TMEM135: variants seen among roughly 807,000 people sequenced by gnomAD.
TMEM135 encodes transmembrane protein 135.
In TMEM135, 30 loss-of-function variants were observed where a neutral mutation model predicts 60.3. That is an observed-to-expected ratio of 0.50 (90% confidence interval 0.37 to 0.68). TMEM135 has a LOEUF of 0.68. Among genes scored for constraint, TMEM135 ranks in the 30% least tolerant of loss-of-function variants. The pLI, the probability that TMEM135 is intolerant of heterozygous loss-of-function variation, is 0.00. For missense variants in TMEM135, 468 were observed against 548.8 expected, an observed-to-expected ratio of 0.85 and a Z score of 1.47; for synonymous variants, 190 against 186.7, an observed-to-expected ratio of 1.02 and a Z score of -0.14.
chr11:87,227,580 A>G (rs1940791334), intron 5 of TMEM135, among the ~76,000 whole-genome samples: 2 of 152,156 alleles, frequency 1.3e-5, no homozygotes, highest in African/African-American at 4.8e-5. Flanking sequence ...ACTGTATATT[A>G]TGGGAGATTT....
chr11:87,080,843 C>T (rs1395167755), intron 3 of TMEM135, among the ~76,000 whole-genome samples: 1 of 152,048 alleles, frequency 6.6e-6, no homozygotes, highest in African/African-American at 2.4e-5. Context: ...CGTGCCACCA[C>T]GCCTGGCTAA....
At chr11:87,123,357 C>A (rs1937635184) in intron 4 of TMEM135, among the ~76,000 whole-genome samples, 1 of 152,130 alleles carries the variant, frequency 6.6e-6, no homozygotes, top group Non-Finnish European at 1.5e-5. Context: ...TGGTTTATAG[C>A]CGCATCATTC....
In TMEM135 at chr11:87,072,716, T is replaced by A. The variant is rs190154669; in HGVS notation, c.362+1101T>A. 2.7e-3 allele frequency among the ~76,000 whole-genome samples: 410 copies of A among 152,244 alleles called. 3 individuals are homozygous for A. Among genetic ancestry groups the A allele is most frequent in the Admixed American group, 5.8e-3 (89 of 15,278 alleles). Reference sequence around the variant, plus strand: ...TAAGACATCTTGTATTTAAAAAAAATTTTTTATTGTTATCAGCCTGAAATT... The same window carrying A: ...TAAGACATCTTGTATTTAAAAAAAAATTTTTATTGTTATCAGCCTGAAATT... On this transcript the variant is annotated intron_variant, in intron 3 of 14. Transcript: ENST00000305494.
chr11:87,295,548 A>G (rs899143603), intron 6 of TMEM135, among the ~76,000 whole-genome samples: 3 of 152,176 alleles, frequency 2.0e-5, no homozygotes, highest in African/African-American at 7.2e-5. Flanking sequence ...CAACCTGCCT[A>G]TTTGAGAGCT....
intron 5 of TMEM135, among the ~76,000 whole-genome samples, chr11:87,180,533 G>T (rs1341719213): frequency 6.6e-6 from 1 of 152,050 alleles, no homozygotes; most frequent in Non-Finnish European, 1.5e-5. Context: ...ACCTAAATCT[G>T]TGCATGAAGA....
At chr11:87,300,301 C>T (rs1346769563) in intron 7 of TMEM135, among the ~76,000 whole-genome samples, 1 of 152,162 alleles carries the variant, frequency 6.6e-6, no homozygotes, top group Non-Finnish European at 1.5e-5. Context: ...ATATAGATAA[C>T]AGTAGAAGTC....
intron 6 of TMEM135, among the ~76,000 whole-genome samples, chr11:87,287,786 C>A (rs974486842): frequency 1.3e-5 from 2 of 152,082 alleles, no homozygotes; most frequent in Non-Finnish European, 2.9e-5. Flanking sequence ...AAATTTCAGC[C>A]TAAATCATTT....
At chr11:87,160,590 C>T (rs1938844523) in intron 5 of TMEM135, among the ~76,000 whole-genome samples, 1 of 152,258 alleles carries the variant, frequency 6.6e-6, no homozygotes, top group Middle Eastern at 3.4e-3. Context: ...CTTACTTAGA[C>T]TAGAGTTTCC....
In TMEM135 at chr11:87,321,287, C is replaced by T; in HGVS notation, c.1331C>T (p.Pro444Leu). 1.9e-6 allele frequency: 3 copies of T among 1,613,620 alleles called. No homozygotes were observed. Among genetic ancestry groups the T allele is most frequent in the East Asian group, 2.2e-5 (1 of 44,860 alleles). Residue 444 changes from proline (P) to leucine (L), a missense_variant, in exon 15 of 15, where the codon CCA (proline) becomes CTA (leucine). Coordinates refer to ENST00000305494, the MANE Select transcript of TMEM135 (RefSeq NM_022918.4). ...HFQDFIPRLD[P>L]RYTTVTPELP... Reference sequence around the variant, plus strand: ...CAGGATTTCATCCCCAGGTTGGATCCAAGATACACAACTGTAACACCAGAG... The same window carrying T: ...CAGGATTTCATCCCCAGGTTGGATCTAAGATACACAACTGTAACACCAGAG...
rs149952400 is a variant in TMEM135, at chr11:87,040,977, T to C, written c.141+2791T>C. Among the ~76,000 whole-genome samples, 44 of 152,244 alleles carry C rather than the reference T, an allele frequency of 2.9e-4. No individual in the cohort carries two copies. The East Asian group carries it at 7.5e-3, about 26-fold the overall frequency. On this transcript the variant is annotated intron_variant, in intron 1 of 14. Transcript: ENST00000305494. ...CAGACATTTATTCATGCAGTAGACA[T>C]TTATAGCATACCTATTCTTAATGGA...
rs756707599 is a variant in TMEM135 at position 87,157,329 on chromosome 11, T to C, written c.397-12T>C. ...TCATATATTTTTGCTGTTTTTTTTT[T>C]TTAATTTACAGGCCACAGAAACACT... On this transcript the variant is annotated splice_polypyrimidine_tract_variant and intron_variant, in intron 4 of 14. Transcript: ENST00000305494. 1.2e-6 allele frequency: 2 copies of C among 1,612,242 alleles called. No homozygotes were observed. Among genetic ancestry groups the C allele is most frequent in the Non-Finnish European group, 1.7e-6 (2 of 1,179,100 alleles).
chr11:87,143,803 G>A (rs934181466), intron 4 of TMEM135, among the ~76,000 whole-genome samples: 2 of 152,026 alleles, frequency 1.3e-5, no homozygotes, highest in African/African-American at 4.8e-5. Flanking sequence ...TCTAATTTTT[G>A]AACTTTGACA....
intron 5 of TMEM135, among the ~76,000 whole-genome samples, chr11:87,191,029 C>T (rs1939785888): frequency 6.6e-6 from 1 of 152,098 alleles, no homozygotes; most frequent in South Asian, 2.1e-4. Context: ...TATGAATCTT[C>T]CAAAATCGCT....
intron 4 of TMEM135, among the ~76,000 whole-genome samples, chr11:87,149,104 A>T (rs1318040867): frequency 6.6e-6 from 1 of 151,366 alleles, no homozygotes; most frequent in African/African-American, 2.4e-5. Context: ...CTTATTTCTC[A>T]TTTAAAAAAA....
intron 5 of TMEM135, among the ~76,000 whole-genome samples, chr11:87,185,351 CCTCT>C (rs1314893911): frequency 2.0e-5 from 3 of 152,110 alleles, no homozygotes; most frequent in Non-Finnish European, 4.4e-5. Context: ...CCCCCTCATC[CCTCT>C]CTCTATGGTT....
At chr11:87,179,059 T>C (rs900026315) in intron 5 of TMEM135, among the ~76,000 whole-genome samples, 2 of 152,208 alleles carry the variant, frequency 1.3e-5, no homozygotes, top group African/African-American at 4.8e-5. Context: ...CAGACTATTT[T>C]ATTATAGCCA....
In TMEM135 at chr11:87,144,701, T is replaced by C. The variant is rs567970024; in HGVS notation, c.397-12640T>C. On this transcript the variant is annotated intron_variant, in intron 4 of 14. Transcript: ENST00000305494. Reference sequence around the variant, plus strand: ...ATAATGTTTTACTGTATGTACTTTGTGTGTGAAAGTGTGTGTGTGTGTGTG... The same window carrying C: ...ATAATGTTTTACTGTATGTACTTTGCGTGTGAAAGTGTGTGTGTGTGTGTG... Among the ~76,000 whole-genome samples, 22 of 132,636 alleles carry C rather than the reference T, an allele frequency of 1.7e-4. 1 individual carries two copies. In the South Asian group the frequency reaches 1.9e-3, roughly 11 times the overall value. 87.0% of individuals were successfully genotyped at this position (132,636 alleles called of 152,430 possible).
chr11:87,112,152 A>G (rs1415868696), intron 4 of TMEM135, among the ~76,000 whole-genome samples: 4 of 152,194 alleles, frequency 2.6e-5, no homozygotes, highest in Non-Finnish European at 4.4e-5. Context: ...GCTTATAAAA[A>G]TTTAGCACTA....
At chr11:87,262,849 C>T (rs1225245866) in intron 6 of TMEM135, among the ~76,000 whole-genome samples, 2 of 152,102 alleles carry the variant, frequency 1.3e-5, no homozygotes, top group African/African-American at 2.4e-5. Context: ...ATATTGGATA[C>T]ATGTATACAT....
Sources: allele counts gnomAD v4.1 joint callset (sites outside exome capture counted in the v4.1 genomes callset), GRCh38; gene constraint gnomAD v4.1.1; transcripts MANE v1.5; gene names NCBI Gene and HGNC (gene_info 2026-07-23, HGNC 2026-07-21).